The following TRMT61B variants were observed in gnomAD, a reference collection of about 807,000 sequenced individuals.
TRMT61B encodes tRNA (adenine(58)-N(1))-methyltransferase, mitochondrial.
In TRMT61B, 56 loss-of-function variants were observed where a neutral mutation model predicts 52.0. That is an observed-to-expected ratio of 1.08 (90% CI 0.87 to 1.35). The LOEUF is 1.35. TRMT61B is among the 40% of genes most tolerant of loss of function. The pLI is 0.00. For synonymous variants in TRMT61B, 206 were observed against 220.0 expected (o/e 0.94, Z 0.56); for missense variants, 650 against 577.9 (o/e 1.12, Z -1.28).
chr2:28,860,604 T>C (rs996836407), intron 3 of TRMT61B, among the ~76,000 whole-genome samples: 10 of 152,194 alleles, frequency 6.6e-5, no homozygotes, highest in Non-Finnish European at 1.3e-4. Context: ...GTGTTTCTCT[T>C]CCTCACAATG....
At chr2:28,851,575 A>T (rs1427363591) in intron 4 of TRMT61B, among the ~76,000 whole-genome samples, 2 of 152,254 alleles carry the variant, frequency 1.3e-5, no homozygotes, top group Non-Finnish European at 2.9e-5. Context: ...CTATTTATGT[A>T]AAAAATGATT....
Position 28,856,775 on chromosome 2 carries a change from C to G in TRMT61B, c.994-4276G>C, listed in dbSNP as rs1433725496. 2.0e-5 allele frequency among the ~76,000 whole-genome samples: 3 copies of G among 152,074 alleles called. No homozygotes were observed. In the East Asian group the frequency reaches 5.8e-4, roughly 29 times the overall value. ...TCAGCCTCCCGAGTAGCTGGGATTACAGGCATGCGCCACCACACCCAACTA... is the reference window on the plus strand; with the variant it reads ...TCAGCCTCCCGAGTAGCTGGGATTAGAGGCATGCGCCACCACACCCAACTA... On this transcript the variant is annotated intron_variant, in intron 3 of 6. Coordinates refer to ENST00000306108, the MANE Select transcript of TRMT61B (RefSeq NM_017910.4).
intron 1 of TRMT61B, among the ~76,000 whole-genome samples, chr2:28,869,114 C>G (rs796672959): frequency 6.6e-6 from 1 of 152,122 alleles, no homozygotes; most frequent in Non-Finnish European, 1.5e-5. Flanking sequence ...TATTTCTTCC[C>G]TAAAAGGGGA....
At chr2:28,868,779 G>C (rs1462662742) in intron 1 of TRMT61B, among the ~76,000 whole-genome samples, 2 of 152,248 alleles carry the variant, frequency 1.3e-5, no homozygotes. Context: ...CTGGGAGGCC[G>C]AGGTGGGCGG....
At chr2:28,855,244 T>C (rs1418918533) in intron 3 of TRMT61B, among the ~76,000 whole-genome samples, 1 of 152,190 alleles carries the variant, frequency 6.6e-6, no homozygotes, top group Non-Finnish European at 1.5e-5. Context: ...CTTTACTCAA[T>C]TGAGAAGCCA....
Position 28,856,716 on chromosome 2 carries a change from C to T in TRMT61B, c.994-4217G>A, listed in dbSNP as rs576572646. Among the ~76,000 whole-genome samples, 5 of 152,118 alleles carry T rather than the reference C, an allele frequency of 3.3e-5. No homozygotes were observed. In the South Asian group the frequency reaches 1.0e-3, roughly 32 times the overall value. On this transcript the variant is annotated intron_variant, in intron 3 of 6. Coordinates refer to ENST00000306108, the MANE Select transcript of TRMT61B (RefSeq NM_017910.4). ...ATGGTGCGATCGTAGCTCACTGCAA[C>T]CTCCGCCTCCCGGTTTCCAGAGATT...
chr2:28,851,602 G>T (rs1669098662), intron 4 of TRMT61B, among the ~76,000 whole-genome samples: 1 of 152,098 alleles, frequency 6.6e-6, no homozygotes, highest in Non-Finnish European at 1.5e-5. Flanking sequence ...GTAATATAGG[G>T]TTGGGCGTGG....
intron 5 of TRMT61B, 80 bp from the exon 6 acceptor site, chr2:28,850,485 ACT>A (rs2148115427): frequency 1.1e-6 from 1 of 934,434 alleles, no homozygotes; most frequent in Admixed American, 2.6e-5. Flanking sequence ...AATATGAGTT[ACT>A]CTCTTTATTG....
chr2:28,856,404 T>C (rs1669343843), intron 3 of TRMT61B, among the ~76,000 whole-genome samples: 1 of 152,132 alleles, frequency 6.6e-6, no homozygotes, highest in Non-Finnish European at 1.5e-5. Flanking sequence ...CAGCCTCCAT[T>C]CTTTCTCCAG....
intron 2 of TRMT61B, among the ~76,000 whole-genome samples, chr2:28,864,557 G>A (rs1375222347): frequency 6.6e-6 from 1 of 152,144 alleles, no homozygotes; most frequent in Non-Finnish European, 1.5e-5. Flanking sequence ...ACTAATCAGT[G>A]ATGATAAAAG....
Position 28,850,249 on chromosome 2 carries a change from T to G in TRMT61B, c.1391-7A>C. 1.9e-6 allele frequency: 3 copies of G among 1,610,868 alleles called. No individual in the cohort carries two copies. The highest frequency in any genetic ancestry group is 2.5e-6 in the Non-Finnish European group (3 of 1,178,332). On this transcript the variant is annotated splice_polypyrimidine_tract_variant and splice_region_variant and intron_variant, in intron 6 of 6. Transcript: ENST00000306108. The stretch of plus-strand genomic sequence containing the variant: ...CTCAACTTGACAAGAAAAGCTAATT[T>G]AAGAGAAGAAAAACATAAAGTCATT...
Position 28,851,078 on chromosome 2 carries a change from C to T in TRMT61B, c.1306G>A (p.Asp436Asn). The T allele has an allele frequency of 6.3e-7, 1 of 1,599,736 alleles. No individual in the cohort carries two copies. Among genetic ancestry groups the T allele is most frequent in the Non-Finnish European group, 8.5e-7 (1 of 1,173,622 alleles). Residue 436 changes from aspartate (D) to asparagine (N), a missense_variant, in exon 5 of 7, where the codon GAC (aspartate) becomes AAC (asparagine). Transcript: ENST00000306108. ...GVKGELFQEDDHEESHSDFPY... is the reference protein window; with the variant it reads ...GVKGELFQEDNHEESHSDFPY... Reference sequence around the variant, plus strand: ...AAGTAAAACTGAAGCTCACCATGGTCATCCTCTTGAAACAGCTCACCTTTA... The same window carrying T: ...AAGTAAAACTGAAGCTCACCATGGTTATCCTCTTGAAACAGCTCACCTTTA...
chr2:28,850,271 C>T, intron 6 of TRMT61B, 29 bp from the exon 7 acceptor site: 1 of 1,605,302 alleles, frequency 6.2e-7, no homozygotes, highest in Non-Finnish European at 8.5e-7. Context: ...AACATAAAGT[C>T]ATTATATTAA....
Position 28,851,305 on chromosome 2 carries a change from G to C in TRMT61B, c.1086-7C>G. ...TTCAATAACCTGTGTGATGCTTTCA[G>C]AAAAGTGAAAAATTTACATTTCTAC... is the stretch of plus-strand genomic sequence containing the variant. On this transcript the variant is annotated splice_polypyrimidine_tract_variant and splice_region_variant and intron_variant, in intron 4 of 6. Coordinates refer to ENST00000306108, the MANE Select transcript of TRMT61B (RefSeq NM_017910.4). 6.4e-7 allele frequency: 1 copy of C among 1,565,902 alleles called. No individual in the cohort carries two copies. Among genetic ancestry groups the C allele is most frequent in the South Asian group, 1.2e-5 (1 of 83,502 alleles).
chr2:28,860,429 G>A (rs1383360575), intron 3 of TRMT61B, among the ~76,000 whole-genome samples: 1 of 151,904 alleles, frequency 6.6e-6, no homozygotes, highest in Non-Finnish European at 1.5e-5. Context: ...GTGAAGCTAT[G>A]AACTGTGAAG....
Position 28,866,761 on chromosome 2 carries a change from A to G in TRMT61B, c.700-1642T>C, listed in dbSNP as rs141986984. 5.3e-5 allele frequency among the ~76,000 whole-genome samples: 8 copies of G among 152,316 alleles called. No homozygotes were observed. The East Asian group carries it at 9.6e-4, about 18-fold the overall frequency. On this transcript the variant is annotated intron_variant, in intron 1 of 6. Coordinates refer to ENST00000306108, the MANE Select transcript of TRMT61B (RefSeq NM_017910.4). Reference sequence around the variant, plus strand: ...TGGAATTGTTTTTGTTAACACAAATATTACGGATGATATTAATAAAAACTG... The same window carrying G: ...TGGAATTGTTTTTGTTAACACAAATGTTACGGATGATATTAATAAAAACTG...
intron 6 of TRMT61B, 30 bp downstream of exon 6, chr2:28,850,298 C>G: frequency 6.2e-7 from 1 of 1,600,810 alleles, no homozygotes; most frequent in Non-Finnish European, 8.5e-7. Context: ...GAAAAAACAC[C>G]ATTTAATATG....
At chr2:28,864,116 A>G (rs929335243) in intron 2 of TRMT61B, among the ~76,000 whole-genome samples, 2 of 149,792 alleles carry the variant, frequency 1.3e-5, no homozygotes, top group African/African-American at 4.9e-5. Flanking sequence ...GACTTTCTGG[A>G]AAAAAAAAAG....
intron 2 of TRMT61B, among the ~76,000 whole-genome samples, chr2:28,863,503 T>G (rs1052077074): frequency 6.6e-6 from 1 of 150,612 alleles, no homozygotes; most frequent in African/African-American, 2.4e-5. Flanking sequence ...CATAGGTAAA[T>G]AGCAATAAGT....
Sources: allele counts gnomAD v4.1 joint callset (sites outside exome capture counted in the v4.1 genomes callset), GRCh38; gene constraint gnomAD v4.1.1; transcripts MANE v1.5; gene names NCBI Gene and HGNC (gene_info 2026-07-23, HGNC 2026-07-21).